The following MGLL variants were observed in gnomAD, a reference collection of about 807,000 sequenced individuals.
MGLL encodes lysophospholipase homolog.
A neutral mutation model predicts 29.1 loss-of-function variants in MGLL; 7 were observed. That is an observed-to-expected ratio of 0.24 (90% confidence interval 0.14 to 0.45). MGLL has a LOEUF of 0.45. Among genes scored for constraint, MGLL ranks in the 20% least tolerant of loss-of-function variants. The pLI is 0.99. For missense variants in MGLL, 356 were observed against 413.6 expected, an observed-to-expected ratio of 0.86 and a Z score of 1.21; for synonymous variants, 148 against 168.3, an observed-to-expected ratio of 0.88 and a Z score of 0.93.
intron 2 of MGLL, among the ~76,000 whole-genome samples, chr3:127,788,935 G>A (rs1290225817): frequency 6.6e-6 from 1 of 152,196 alleles, no homozygotes; most frequent in Admixed American, 6.5e-5. Context: ...CAGTCATGAA[G>A]CATTCCCGGA....
rs142347388 is a variant in MGLL at position 127,777,100 on chromosome 3, T to C, written c.262+4689A>G. The stretch of plus-strand genomic sequence containing the variant: ...ATTAGGACAACAGTTACTGTGTCCA[T>C]GCATTTCTCCTTGCTTCACACCTCA... On this transcript the variant is annotated intron_variant, in intron 3 of 7. Transcript: ENST00000265052. Among the ~76,000 whole-genome samples, 527 of 152,316 alleles carry C rather than the reference T, an allele frequency of 3.5e-3. 5 individuals are homozygous for C. The highest frequency in any genetic ancestry group is 0.012 in the African/African-American group (511 of 41,554).
chr3:127,769,921 G>A (rs1160097122), intron 3 of MGLL, among the ~76,000 whole-genome samples: 2 of 152,166 alleles, frequency 1.3e-5, no homozygotes, highest in African/African-American at 2.4e-5. Flanking sequence ...CGCGCGCCAT[G>A]GCTGCTTTCT....
chr3:127,740,796 G>C (rs565616522), intron 3 of MGLL, among the ~76,000 whole-genome samples: 15 of 152,238 alleles, frequency 9.9e-5, no homozygotes, highest in Non-Finnish European at 1.9e-4. Context: ...CCGTGTCGAC[G>C]TAGTGTGGGG....
chr3:127,712,169 T>C (rs1559915177), intron 5 of MGLL: 1 of 152,288 alleles, frequency 6.6e-6, no homozygotes, highest in Non-Finnish European at 1.5e-5. Context: ...CAGCCTGGAT[T>C]ACTACGTCTC....
intron 2 of MGLL, among the ~76,000 whole-genome samples, chr3:127,819,491 C>G (rs2077819126): frequency 6.6e-6 from 1 of 152,122 alleles, no homozygotes; most frequent in Non-Finnish European, 1.5e-5. Context: ...ACAGTTGGTA[C>G]AGTAGTGGGG....
At chr3:127,781,995 C>T (rs534184727) in intron 2 of MGLL, 100 bp from the exon 3 acceptor site, 60 of 1,082,680 alleles carry the variant, frequency 5.5e-5, no homozygotes, top group East Asian at 1.3e-4. Context: ...CCGGGGCGGG[C>T]GGATTGCCTG....
At chr3:127,745,300 G>A (rs1355526506) in intron 3 of MGLL, among the ~76,000 whole-genome samples, 3 of 152,228 alleles carry the variant, frequency 2.0e-5, no homozygotes, top group South Asian at 4.1e-4. Context: ...ATCGACTTGA[G>A]TGTCCATAAA....
In MGLL at chr3:127,692,242, C is replaced by T. The variant is rs1170894353; in HGVS notation, c.898G>A (p.Val300Ile). ...NSVFHEINMW[V>I]SQRTATAGTA... Reference sequence around the variant, plus strand: ...CCTGCCGTGGCTGTCCTTTGAGAGACCCACATGTTTATTTCATGGAAGACG... The same window carrying T: ...CCTGCCGTGGCTGTCCTTTGAGAGATCCACATGTTTATTTCATGGAAGACG... Residue 300 changes from valine (V) to isoleucine (I), a missense_variant, in exon 8 of 8, where the codon GTC becomes ATC. Val to Ile is a conservative substitution (Grantham distance 29). Transcript: ENST00000265052. 6.2e-6 allele frequency: 10 copies of T among 1,613,880 alleles called. No homozygotes were observed. The highest frequency in any genetic ancestry group is 7.6e-6 in the Non-Finnish European group (9 of 1,179,972).
chr3:127,745,640 A>T (rs958307405), intron 3 of MGLL, among the ~76,000 whole-genome samples: 13 of 152,198 alleles, frequency 8.5e-5, no homozygotes, highest in Non-Finnish European at 1.6e-4. Context: ...ACCACCACGC[A>T]ATATATCCAT....
intron 3 of MGLL, among the ~76,000 whole-genome samples, chr3:127,759,029 T>TA: frequency 6.6e-6 from 1 of 151,598 alleles, no homozygotes; most frequent in Admixed American, 6.6e-5. Flanking sequence ...TTCAAGTGAT[T>TA]CTCCTGCCTC....
intron 5 of MGLL, chr3:127,712,390 T>G (rs1157143660): frequency 6.6e-6 from 1 of 152,296 alleles, no homozygotes; most frequent in East Asian, 1.9e-4. Flanking sequence ...TTCTCAACCA[T>G]CCAGTATCAG....
At chr3:127,764,548 T>C (rs1044631456) in intron 3 of MGLL, among the ~76,000 whole-genome samples, 20 of 152,202 alleles carry the variant, frequency 1.3e-4, no homozygotes, top group African/African-American at 4.3e-4. Flanking sequence ...GCTCTCCTCA[T>C]CTGTAATAAT....
At chr3:127,719,949 G>A (rs939098304) in intron 5 of MGLL, among the ~76,000 whole-genome samples, 1 of 152,154 alleles carries the variant, frequency 6.6e-6, no homozygotes, top group African/African-American at 2.4e-5. Context: ...GCCAAGCCGA[G>A]CCCCATTTCA....
chr3:127,692,630 G>A (rs2107574676), intron 7 of MGLL, among the ~76,000 whole-genome samples: 1 of 152,260 alleles, frequency 6.6e-6, no homozygotes, highest in East Asian at 1.9e-4. Context: ...CTTCTCAAAA[G>A]AGGGGGTTCC....
At chr3:127,743,458 T>C (rs1312519472) in intron 3 of MGLL, among the ~76,000 whole-genome samples, 3 of 149,056 alleles carry the variant, frequency 2.0e-5, no homozygotes, top group Non-Finnish European at 4.4e-5. Context: ...ATAAGACCAA[T>C]GACAAATTAA....
chr3:127,708,089 T>C (rs1011824050), intron 6 of MGLL, among the ~76,000 whole-genome samples: 9 of 152,336 alleles, frequency 5.9e-5, no homozygotes, highest in Admixed American at 4.6e-4. Context: ...TCTTTTTGGT[T>C]TGAGGCTTTT....
chr3:127,723,331 G>C (rs1198939598), intron 3 of MGLL, among the ~76,000 whole-genome samples: 1 of 152,242 alleles, frequency 6.6e-6, no homozygotes, highest in East Asian at 1.9e-4. Flanking sequence ...CGCTTCTGGA[G>C]AACTGGGACC....
At chr3:127,765,555 T>C (rs751420744) in intron 3 of MGLL, among the ~76,000 whole-genome samples, 1 of 152,224 alleles carries the variant, frequency 6.6e-6, no homozygotes, top group Admixed American at 6.5e-5. Context: ...TTCTTGTCAC[T>C]TCAGTGAAGC....
At chr3:127,709,172 A>G (rs1378569028) in intron 6 of MGLL, among the ~76,000 whole-genome samples, 1 of 152,182 alleles carries the variant, frequency 6.6e-6, no homozygotes, top group East Asian at 1.9e-4. Flanking sequence ...TTTTGGAATT[A>G]AAGTTTTTTT....
Sources: allele counts gnomAD v4.1 joint callset (sites outside exome capture counted in the v4.1 genomes callset), GRCh38; gene constraint gnomAD v4.1.1; transcripts MANE v1.5; gene names NCBI Gene and HGNC (gene_info 2026-07-23, HGNC 2026-07-21).